KIF26A: variants seen among roughly 807,000 people sequenced by gnomAD.
The protein encoded by KIF26A is kinesin-like protein KIF26A.
Under a neutral mutation model 126.0 loss-of-function variants are expected in KIF26A, and 74 were observed. The ratio of observed to expected loss-of-function variants is 0.59; its 90% CI spans 0.49 to 0.71. The LOEUF (loss-of-function observed/expected upper bound fraction) is 0.71, where lower values mean the gene tolerates loss of function less well. Ranked by LOEUF, KIF26A falls within the 30% of genes least tolerant of loss-of-function variation. The pLI is 0.00. For synonymous variants in KIF26A, 1,445 were observed against 1,232.7 expected, an observed-to-expected ratio of 1.17 and a Z score of -3.61; for missense variants, 2,984 against 2,763.3, an observed-to-expected ratio of 1.08 and a Z score of -1.79.
rs201416039 is a variant in KIF26A at position 104,176,189 on chromosome 14, G to T, written c.3401G>T (p.Ser1134Ile). 1,234 of 1,598,712 alleles carry T rather than the reference G, an allele frequency of 7.7e-4. 21 individuals carry two copies. The Admixed American group carries it at 0.02, about 26-fold the overall frequency. ...SRDPTPQPRFSPDSLAGLDPG... is the reference protein window; with the variant it reads ...SRDPTPQPRFIPDSLAGLDPG... ...GACCCCACGCCGCAGCCCCGCTTCA[G>T]CCCCGACTCGCTGGCAGGGCTTGAC... The change falls in exon 12 of 15, where the codon AGC becomes ATC. Residue 1134 changes from serine (S) to isoleucine (I), a missense_variant. Physicochemically the swap from Ser to Ile is moderately radical, Grantham distance 142. Transcript: ENST00000423312.
At chr14:104,147,668 C>A in intron 2 of KIF26A, among the ~76,000 whole-genome samples, 1 of 152,214 alleles carries the variant, frequency 6.6e-6, no homozygotes, top group Non-Finnish European at 1.5e-5. Context: ...GCAGGACCTG[C>A]GAGGGCTGCT....
In KIF26A at chr14:104,178,704, C is replaced by T. The variant is rs371600505; in HGVS notation, c.5265C>T (p.Asp1755=). The stretch of plus-strand genomic sequence containing the variant: ...AGATCAAGGTGTACGAGATCGATGA[C>T]GTGGAGCGCCTTCAGCGGCCCCGCC... ...PFEIKVYEID[D]VERLQRPRPT... Residue 1755 remains aspartate, a synonymous_variant, in exon 13 of 15, where the codon GAC becomes GAT. Coordinates refer to ENST00000423312, the MANE Select transcript of KIF26A (RefSeq NM_015656.2). 8.2e-5 allele frequency: 128 copies of T among 1,561,936 alleles called. No homozygotes were observed. Among genetic ancestry groups the T allele is most frequent in the South Asian group, 3.8e-4 (32 of 85,006 alleles).
At chr14:104,171,017 G>GC (rs960286710) in intron 5 of KIF26A, among the ~76,000 whole-genome samples, 1 of 152,248 alleles carries the variant, frequency 6.6e-6, no homozygotes, top group African/African-American at 2.4e-5. Flanking sequence ...CCCTCAGCCT[G>GC]CCCCCCAGCC....
At position 104,178,493 on chromosome 14, in the gene KIF26A, G is replaced by C. The variant is rs1172887757; in HGVS notation, c.5111-57G>C. 3.0e-6 allele frequency: 4 copies of C among 1,317,438 alleles called. No homozygotes were observed. The Admixed American group carries it at 1.3e-4, about 42-fold the overall frequency. 81.6% of individuals were successfully genotyped at this position (1,317,438 alleles called of 1,614,324 possible). On this transcript the variant is annotated intron_variant, in intron 12 of 14. Transcript: ENST00000423312. ...CCGGCTCCGCAGCGTCCCCGCAGGG[G>C]CTGTGCTTGGGCTGGGCCCCGCCTC... is the stretch of plus-strand genomic sequence containing the variant.
intron 5 of KIF26A, among the ~76,000 whole-genome samples, chr14:104,170,526 A>C (rs541176479): frequency 3.9e-5 from 6 of 152,354 alleles, no homozygotes; most frequent in South Asian, 2.1e-4. Flanking sequence ...AAATCCGTGA[A>C]AAATATTGGC....
At chr14:104,157,362 G>A (rs553775337) in intron 3 of KIF26A, among the ~76,000 whole-genome samples, 4 of 152,298 alleles carry the variant, frequency 2.6e-5, no homozygotes, top group Admixed American at 1.3e-4. Flanking sequence ...GGAGGCTCAG[G>A]GGTGAGAGGG....
chr14:104,178,837 C>T (rs774505371), intron 13 of KIF26A, 82 bp downstream of exon 13: 53 of 790,032 alleles, frequency 6.7e-5, no homozygotes, highest in Middle Eastern at 3.7e-4. Context: ...TTGATGGGCT[C>T]GCCAGGCCTC....
At chr14:104,163,555 C>T (rs918814311) in intron 4 of KIF26A, among the ~76,000 whole-genome samples, 3 of 147,568 alleles carry the variant, frequency 2.0e-5, no homozygotes, top group Admixed American at 6.8e-5. Flanking sequence ...GTCCAGGGGT[C>T]TCAGGCACAC....
intron 2 of KIF26A, among the ~76,000 whole-genome samples, chr14:104,149,811 G>C (rs1308380165): frequency 6.6e-6 from 1 of 152,176 alleles, no homozygotes; most frequent in Admixed American, 6.5e-5. Flanking sequence ...GTCGCTGGAC[G>C]GGCAGAGGCT....
At position 104,172,680 on chromosome 14, in the gene KIF26A, T is replaced by C. The variant is rs752236607; in HGVS notation, c.1420+12T>C. The C allele has an allele frequency of 6.2e-7, 1 of 1,600,502 alleles. No homozygotes were observed. The highest frequency in any genetic ancestry group is 1.1e-5 in the South Asian group (1 of 90,302). Reference sequence around the variant, plus strand: ...CCACATGAGCCTGGGTAAGCACCCTTGCCCCACCCTAGATGGGTCCTGCTG... The same window carrying C: ...CCACATGAGCCTGGGTAAGCACCCTCGCCCCACCCTAGATGGGTCCTGCTG... On this transcript the variant is annotated intron_variant, in intron 7 of 14. Coordinates refer to ENST00000423312, the MANE Select transcript of KIF26A (RefSeq NM_015656.2).
rs922390404 is a variant in KIF26A, at chr14:104,148,712, G to T, written c.289-3303G>T. ...AGGGCTGCAGGGCTGGGCGGCTTTT[G>T]TCTCTCTGAGGGCTGCGTCTGGGGT... On this transcript the variant is annotated intron_variant, in intron 2 of 14. Transcript: ENST00000423312. This position sits in a 1 kb window ranked among gnomAD's most constrained non-coding sequence, Gnocchi z 4.3. Among the ~76,000 whole-genome samples the T allele has an allele frequency of 3.3e-5, 5 of 151,932 alleles. No homozygotes were observed. Among genetic ancestry groups the T allele is most frequent in the Admixed American group, 2.6e-4 (4 of 15,262 alleles).
chr14:104,158,742 G>C (rs2037806393), intron 4 of KIF26A, among the ~76,000 whole-genome samples: 1 of 152,234 alleles, frequency 6.6e-6, no homozygotes. Flanking sequence ...GAGCAGAGGT[G>C]GGGAGGGGGA....
At chr14:104,164,085 C>G (rs1596141770) in intron 4 of KIF26A, among the ~76,000 whole-genome samples, 1 of 152,304 alleles carries the variant, frequency 6.6e-6, no homozygotes, top group East Asian at 1.9e-4. Context: ...CCTGGGGTCT[C>G]TTAAGAGACA....
At chr14:104,150,812 G>A (rs989407273) in intron 2 of KIF26A, among the ~76,000 whole-genome samples, 23 of 152,240 alleles carry the variant, frequency 1.5e-4, no homozygotes, top group African/African-American at 5.5e-4. Flanking sequence ...TTGGGGGCTG[G>A]TGGAGGACCC....
intron 2 of KIF26A, 53 bp downstream of exon 2, chr14:104,139,341 G>C: frequency 7.2e-7 from 1 of 1,382,106 alleles, no homozygotes; most frequent in Non-Finnish European, 9.4e-7. Flanking sequence ...CGCCGAACTT[G>C]GGTAGAACTT....
intron 5 of KIF26A, 144 bp downstream of exon 5, chr14:104,167,192 G>C (rs1378252240): frequency 1.7e-5 from 15 of 906,166 alleles, no homozygotes; most frequent in Non-Finnish European, 2.4e-5. Context: ...TGGGGAGACT[G>C]AGGCCCAGGT....
chr14:104,171,587 G>A, intron 5 of KIF26A, 136 bp from the exon 6 acceptor site: 1 of 707,206 alleles, frequency 1.4e-6, no homozygotes, highest in Non-Finnish European at 2.4e-6. Flanking sequence ...GGGGCGCGGT[G>A]TCCACATTCC....
At position 104,175,910 on chromosome 14, in the gene KIF26A, C is replaced by A; in HGVS notation, c.3122C>A (p.Ser1041Tyr). The change falls in exon 12 of 15, where the codon TCC becomes TAC. Residue 1041 changes from serine (S) to tyrosine (Y), a missense_variant. Ser to Tyr is a moderately radical substitution (Grantham distance 144, BLOSUM62 -2). Coordinates refer to ENST00000423312, the MANE Select transcript of KIF26A (RefSeq NM_015656.2). ...GTGTTCACGGTGGTGGAGGAGCTGTCCCTGGGGGCGCTTGCCGGAGCTGGG... is the reference window on the plus strand; with the variant it reads ...GTGTTCACGGTGGTGGAGGAGCTGTACCTGGGGGCGCTTGCCGGAGCTGGG... ...ELVFTVVEEL[S>Y]LGALAGAGRP... 6.5e-7 allele frequency: 1 copy of A among 1,546,074 alleles called. No homozygotes were observed. Among genetic ancestry groups the A allele is most frequent in the Non-Finnish European group, 8.7e-7 (1 of 1,151,050 alleles).
intron 14 of KIF26A, 30 bp from the exon 15 acceptor site, chr14:104,179,579 G>T: frequency 6.7e-7 from 1 of 1,483,026 alleles, no homozygotes. Context: ...GCCTGACGCA[G>T]GTGCCCCTCC....
Sources: gnomAD v4.1 joint callset for allele counts (sites outside exome capture counted in the v4.1 genomes callset) on GRCh38, gnomAD v4.1.1 for gene constraint, Gnocchi (gnomAD v3.1) non-coding constraint, MANE v1.5 for transcripts, NCBI Gene and HGNC (gene_info 2026-07-23, HGNC 2026-07-21) for gene names.